The following SCFD2 variants were observed in gnomAD, a reference collection of about 807,000 sequenced individuals.
SCFD2 encodes sec1 family domain-containing protein 2.
Under a neutral mutation model 58.9 loss-of-function variants are expected in SCFD2, and 54 were observed. That is an observed-to-expected ratio of 0.92 (90% CI 0.74 to 1.15). The LOEUF is 1.15. Ranked by LOEUF, SCFD2 falls within the 50% of genes most tolerant of loss-of-function variation. SCFD2 has a pLI of 0.00. For missense variants in SCFD2, 805 were observed against 836.6 expected (o/e 0.96, Z 0.47); for synonymous variants, 321 against 335.9 (o/e 0.96, Z 0.49).
intron 4 of SCFD2, among the ~76,000 whole-genome samples, chr4:53,251,811 TG>T (rs1269126134): frequency 1.3e-5 from 2 of 151,852 alleles, no homozygotes; most frequent in Non-Finnish European, 2.9e-5. Flanking sequence ...GCATTCCCTT[TG>T]AAAACTGGCA....
chr4:53,325,786 C>T (rs539755520), intron 2 of SCFD2, among the ~76,000 whole-genome samples: 17 of 152,282 alleles, frequency 1.1e-4, no homozygotes, highest in African/African-American at 3.4e-4. Flanking sequence ...GCATAAGCAA[C>T]ATTAACCCTT....
chr4:53,352,414 TTA>T (rs1734248676), intron 2 of SCFD2, among the ~76,000 whole-genome samples, 182 bp downstream of exon 2: 1 of 152,238 alleles, frequency 6.6e-6, no homozygotes, highest in Admixed American at 6.5e-5. Context: ...TTCTGGATTA[TTA>T]TGTTTAGTGG....
intron 3 of SCFD2, among the ~76,000 whole-genome samples, chr4:53,296,459 T>C (rs905801252): frequency 6.6e-6 from 1 of 152,244 alleles, no homozygotes; most frequent in Non-Finnish European, 1.5e-5. Context: ...TGGTAGATTG[T>C]ATGTCTGTGG....
chr4:53,210,091 A>T (rs954463712), intron 4 of SCFD2, among the ~76,000 whole-genome samples: 8 of 152,058 alleles, frequency 5.3e-5, no homozygotes, highest in African/African-American at 1.9e-4. Flanking sequence ...ATTCTCAATG[A>T]ATCCTTTTGA....
intron 4 of SCFD2, among the ~76,000 whole-genome samples, chr4:53,147,428 C>CA (rs768271426): frequency 6.6e-6 from 1 of 152,042 alleles, no homozygotes; most frequent in Non-Finnish European, 1.5e-5. Context: ...ATTTTATACA[C>CA]AAAAAACAGC....
chr4:53,255,484 C>A (rs1238019413), intron 4 of SCFD2, among the ~76,000 whole-genome samples: 1 of 152,056 alleles, frequency 6.6e-6, no homozygotes, highest in Non-Finnish European at 1.5e-5. Flanking sequence ...ATCCATTTAA[C>A]CCTGAGTGGA....
At chr4:53,119,907 G>A (rs922613341) in intron 5 of SCFD2, among the ~76,000 whole-genome samples, 6 of 152,170 alleles carry the variant, frequency 3.9e-5, no homozygotes, top group African/African-American at 1.4e-4. Context: ...GAGAGTGTTG[G>A]ATTTTTATAG....
chr4:53,209,884 A>G (rs1479064275), intron 4 of SCFD2, among the ~76,000 whole-genome samples: 1 of 152,116 alleles, frequency 6.6e-6, no homozygotes, highest in East Asian at 1.9e-4. Flanking sequence ...GAAAAGGCCT[A>G]GCACTACACC....
rs767299866 is a variant in SCFD2, at chr4:53,365,326, T to A, written c.616A>T (p.Thr206Ser). Residue 206 changes from threonine (T) to serine (S), a missense_variant, in exon 1 of 9, where the codon ACT becomes TCT. Physicochemically the swap from Thr to Ser is moderately conservative, Grantham distance 58. Around this residue, in one of 3 missense-constraint regions of SCFD2, gnomAD observed 633 missense variants for 646.8 expected, o/e 0.98. Coordinates refer to ENST00000401642, the MANE Select transcript of SCFD2 (RefSeq NM_152540.4). The surrounding 1 kb of genome is among the most constrained non-coding windows in gnomAD (Gnocchi z 4.3). ...KLGSLGDVDS[T>S]TLTPELLLQI... is the part of the protein sequence containing the mutation. The stretch of plus-strand genomic sequence containing the variant: ...AGCAGCAGCTCTGGGGTTAGCGTAG[T>A]GGAGTCCACATCACCCAGGCTTCCC... 31 of 1,614,022 alleles carry A rather than the reference T, an allele frequency of 1.9e-5. No homozygotes were observed. The highest frequency in any genetic ancestry group is 2.4e-5 in the Non-Finnish European group (28 of 1,180,036).
chr4:53,364,771 C>T (rs762023728), intron 1 of SCFD2, among the ~76,000 whole-genome samples: 3 of 152,180 alleles, frequency 2.0e-5, no homozygotes, highest in Non-Finnish European at 4.4e-5. Context: ...TACTGGCATT[C>T]GTAAATTTCT....
intron 5 of SCFD2, among the ~76,000 whole-genome samples, chr4:52,973,893 T>C (rs1259342450): frequency 2.0e-5 from 3 of 152,182 alleles, no homozygotes; most frequent in African/African-American, 4.8e-5. Context: ...TAATCCAGCA[T>C]ATAAACAGAA....
intron 3 of SCFD2, among the ~76,000 whole-genome samples, chr4:53,305,752 A>G (rs987625398): frequency 1.1e-4 from 16 of 152,162 alleles, no homozygotes; most frequent in Admixed American, 4.6e-4. Flanking sequence ...CACATGTATC[A>G]ATAGATGTAA....
intron 5 of SCFD2, among the ~76,000 whole-genome samples, chr4:52,928,165 T>C (rs1213683313): frequency 1.3e-5 from 2 of 152,036 alleles, no homozygotes; most frequent in African/African-American, 4.8e-5. Flanking sequence ...CAAGACTCTG[T>C]CTCTACAAAA....
intron 4 of SCFD2, among the ~76,000 whole-genome samples, chr4:53,249,200 G>T (rs879765199): frequency 1.3e-5 from 2 of 152,122 alleles, no homozygotes; most frequent in Non-Finnish European, 2.9e-5. Flanking sequence ...GGAAGAAAGG[G>T]TATCAGTGAT....
At chr4:53,000,683 G>C (rs1721844274) in intron 5 of SCFD2, among the ~76,000 whole-genome samples, 1 of 152,202 alleles carries the variant, frequency 6.6e-6, no homozygotes. Context: ...TCCTCGCTGT[G>C]GGTATCCTTT....
intron 5 of SCFD2, among the ~76,000 whole-genome samples, chr4:53,090,080 G>C (rs1392130331): frequency 6.6e-6 from 1 of 152,162 alleles, no homozygotes; most frequent in Admixed American, 6.5e-5. Context: ...TGGAAAACAA[G>C]CTGGAGAAGC....
chr4:53,036,491 C>T (rs1219148022), intron 5 of SCFD2, among the ~76,000 whole-genome samples: 1 of 151,752 alleles, frequency 6.6e-6, no homozygotes, highest in African/African-American at 2.4e-5. Context: ...GGCACAAATA[C>T]ACCCTGGAAT....
intron 5 of SCFD2, among the ~76,000 whole-genome samples, chr4:53,044,501 C>T (rs1216564673): frequency 6.6e-6 from 1 of 151,484 alleles, no homozygotes; most frequent in Non-Finnish European, 1.5e-5. Flanking sequence ...TTCCTTCCTT[C>T]CTTCCTTCCT....
chr4:53,238,491 G>A, intron 4 of SCFD2, among the ~76,000 whole-genome samples: 1 of 151,680 alleles, frequency 6.6e-6, no homozygotes, highest in Non-Finnish European at 1.5e-5. Context: ...CGGCTGGTGG[G>A]GCGGGGGCTG....
Sources: gnomAD v4.1 joint callset for allele counts (sites outside exome capture counted in the v4.1 genomes callset) on GRCh38, gnomAD v4.1.1 for gene constraint, gnomAD v4.1.1 regional missense constraint, Gnocchi (gnomAD v3.1) non-coding constraint, MANE v1.5 for transcripts, NCBI Gene and HGNC (gene_info 2026-07-23, HGNC 2026-07-21) for gene names.